Variants in RAPGEF5 observed in about 807,000 individuals in gnomAD.
RAPGEF5 encodes the protein M-Ras-regulated GEF.
Under a neutral mutation model 125.2 loss-of-function variants are expected in RAPGEF5, and 65 were observed. That is an observed-to-expected ratio of 0.52 (90% CI 0.43 to 0.64). The LOEUF is 0.64. Ranked by LOEUF, RAPGEF5 falls within the 30% of genes least tolerant of loss-of-function variation. The probability of loss-of-function intolerance (pLI) is 0.00; values close to 1 mark genes in which losing one functional copy is unlikely to be tolerated. For synonymous variants in RAPGEF5, 391 were observed against 385.9 expected (o/e 1.01, Z -0.16); for missense variants, 958 against 1,048.1 (o/e 0.91, Z 1.19).
chr7:22,355,265 A>T (rs1401845150), intron 1 of RAPGEF5, among the ~76,000 whole-genome samples: 3 of 152,242 alleles, frequency 2.0e-5, no homozygotes, highest in Non-Finnish European at 1.5e-5. Context: ...GACAAGGTAT[A>T]CGACACCCTC....
At chr7:22,193,258 A>G in intron 11 of RAPGEF5, 109 bp downstream of exon 11, 3 of 1,230,602 alleles carry the variant, frequency 2.4e-6, no homozygotes, top group South Asian at 3.0e-5. Context: ...AGCATATGCT[A>G]TTTCTCCCCA....
At chr7:22,124,993 A>G (rs558938394) in intron 25 of RAPGEF5, among the ~76,000 whole-genome samples, 1 of 152,300 alleles carries the variant, frequency 6.6e-6, no homozygotes, top group East Asian at 1.9e-4. Flanking sequence ...TCCTTCCTGC[A>G]ATGTTCTAAC....
At chr7:22,278,234 G>A (rs1782601136) in intron 6 of RAPGEF5, among the ~76,000 whole-genome samples, 1 of 152,074 alleles carries the variant, frequency 6.6e-6, no homozygotes, top group South Asian at 2.1e-4. Context: ...TGTCTCTCAA[G>A]TCTTACGATC....
chr7:22,316,354 GAT>G (rs771876497), intron 2 of RAPGEF5, among the ~76,000 whole-genome samples: 1 of 54,834 alleles, frequency 1.8e-5, no homozygotes, highest in South Asian at 5.2e-4. Flanking sequence ...CTACTATATA[GAT>G]AGATAGATAG....
intron 7 of RAPGEF5, among the ~76,000 whole-genome samples, chr7:22,231,248 T>G (rs900620681): frequency 5.9e-5 from 9 of 152,196 alleles, no homozygotes; most frequent in Admixed American, 2.6e-4. Context: ...TTTTATTCAT[T>G]TCATATAAGA....
chr7:22,303,018 C>T (rs1783248620), intron 5 of RAPGEF5, among the ~76,000 whole-genome samples: 1 of 152,168 alleles, frequency 6.6e-6, no homozygotes, highest in Non-Finnish European at 1.5e-5. Context: ...TACCCACTCC[C>T]ACCCCTGGCA....
At position 22,150,406 on chromosome 7, in the gene RAPGEF5, C is replaced by T. The variant is rs1405300483; in HGVS notation, c.1884+1G>A. The T allele has an allele frequency of 6.2e-7, 1 of 1,606,762 alleles. No individual in the cohort carries two copies. Among genetic ancestry groups the T allele is most frequent in the Non-Finnish European group, 8.5e-7 (1 of 1,177,308 alleles). On this transcript the variant is annotated splice_donor_variant, in intron 18 of 25. Transcript: ENST00000665637. LOFTEE classifies it high-confidence loss of function. Reference sequence around the variant, plus strand: ...TCAAATACAAGGCTGAAGGTCCTTACCAAAGTGTCCGCCAGGTCTTTCCGG... The same window carrying T: ...TCAAATACAAGGCTGAAGGTCCTTATCAAAGTGTCCGCCAGGTCTTTCCGG...
chr7:22,126,371 G>C (rs1160348137), intron 24 of RAPGEF5, among the ~76,000 whole-genome samples: 1 of 152,150 alleles, frequency 6.6e-6, no homozygotes, highest in African/African-American at 2.4e-5. Context: ...CATCCCCACT[G>C]CTCTTCGTAC....
intron 7 of RAPGEF5, among the ~76,000 whole-genome samples, chr7:22,255,206 G>A (rs1179759474): frequency 1.3e-5 from 2 of 152,130 alleles, no homozygotes; most frequent in African/African-American, 2.4e-5. Context: ...TATCCTATAT[G>A]ATCTTAGAAA....
chr7:22,276,564 T>C (rs943823344), intron 6 of RAPGEF5, among the ~76,000 whole-genome samples: 3 of 152,206 alleles, frequency 2.0e-5, no homozygotes, highest in African/African-American at 7.2e-5. Flanking sequence ...CAAAGACTGA[T>C]ATTGGGATAA....
At chr7:22,288,938 G>T (rs142912086) in intron 6 of RAPGEF5, among the ~76,000 whole-genome samples, 259 of 152,112 alleles carry the variant, frequency 1.7e-3, no homozygotes, top group African/African-American at 5.6e-3. Context: ...TCTTAACCAG[G>T]ACCTTCTTCT....
intron 7 of RAPGEF5, among the ~76,000 whole-genome samples, chr7:22,253,183 G>A (rs1786668013): frequency 6.6e-6 from 1 of 152,184 alleles, no homozygotes; most frequent in African/African-American, 2.4e-5. Context: ...CTCTTTTGGG[G>A]AAAACATCCT....
intron 11 of RAPGEF5, among the ~76,000 whole-genome samples, chr7:22,190,279 A>G (rs1784952109): frequency 6.6e-6 from 1 of 152,222 alleles, no homozygotes; most frequent in Admixed American, 6.5e-5. Flanking sequence ...CTCAAAAGAA[A>G]GAAATTCACT....
At chr7:22,337,059 G>T (rs114460165) in intron 1 of RAPGEF5, among the ~76,000 whole-genome samples, 4 of 152,200 alleles carry the variant, frequency 2.6e-5, no homozygotes, top group Non-Finnish European at 1.5e-5. Flanking sequence ...GTCAAGACAG[G>T]GGAATGGCAA....
chr7:22,190,673 G>A (rs548455278), intron 11 of RAPGEF5, among the ~76,000 whole-genome samples: 43 of 152,260 alleles, frequency 2.8e-4, no homozygotes, highest in African/African-American at 9.9e-4. Context: ...TGTCCTGTGG[G>A]AGCACAGAGG....
At chr7:22,222,202 C>T (rs1206581097) in intron 8 of RAPGEF5, among the ~76,000 whole-genome samples, 2 of 152,188 alleles carry the variant, frequency 1.3e-5, no homozygotes, top group African/African-American at 2.4e-5. Context: ...GCTGAGATCA[C>T]GCCAGTGCAC....
intron 15 of RAPGEF5, among the ~76,000 whole-genome samples, chr7:22,157,384 C>T (rs1783843808): frequency 6.6e-6 from 1 of 152,214 alleles, no homozygotes; most frequent in Non-Finnish European, 1.5e-5. Flanking sequence ...GTCTCCCAAA[C>T]TTGTGCCTGA....
At chr7:22,281,224 T>A (rs1782666548) in intron 6 of RAPGEF5, among the ~76,000 whole-genome samples, 1 of 152,180 alleles carries the variant, frequency 6.6e-6, no homozygotes, top group African/African-American at 2.4e-5. Flanking sequence ...TCTTTCTTTT[T>A]CTTTTGAGGC....
At chr7:22,164,281 T>C (rs539397085) in intron 12 of RAPGEF5, among the ~76,000 whole-genome samples, 42 of 152,254 alleles carry the variant, frequency 2.8e-4, no homozygotes, top group Non-Finnish European at 5.6e-4. Flanking sequence ...CAGCGAGCCA[T>C]GATCGAGCCA....
Sources: gnomAD v4.1 joint callset for allele counts (sites outside exome capture counted in the v4.1 genomes callset) on GRCh38, gnomAD v4.1.1 for gene constraint, MANE v1.5 for transcripts, NCBI Gene and HGNC (gene_info 2026-07-23, HGNC 2026-07-21) for gene names.